Variants in CFAP77 observed in about 807,000 individuals in gnomAD.
The protein encoded by CFAP77 is cilia and flagella associated protein 77, also known as cilia- and flagella-associated protein 77.
In CFAP77, 25 loss-of-function variants were observed where a neutral mutation model predicts 31.1. The ratio of observed to expected loss-of-function variants is 0.80; its 90% confidence interval spans 0.59 to 1.12. The LOEUF (loss-of-function observed/expected upper bound fraction) is 1.12, where lower values mean the gene tolerates loss of function less well. CFAP77 is among the 50% of genes most tolerant of loss of function. The probability of loss-of-function intolerance (pLI) is 0.00; values close to 1 mark genes in which losing one functional copy is unlikely to be tolerated. For synonymous variants in CFAP77, 151 were observed against 159.9 expected (o/e 0.94, Z 0.42); for missense variants, 377 against 397.3 (o/e 0.95, Z 0.44).
At chr9:132,525,012 T>G (rs568626461) in intron 3 of CFAP77, among the ~76,000 whole-genome samples, 1 of 137,956 alleles carries the variant, frequency 7.2e-6, no homozygotes, top group Admixed American at 7.3e-5. Flanking sequence ...TACCTCTTTA[T>G]GTGATAGTAA....
At chr9:132,450,021 T>G (rs1827205827) in intron 1 of CFAP77, among the ~76,000 whole-genome samples, 1 of 152,146 alleles carries the variant, frequency 6.6e-6, no homozygotes, top group Admixed American at 6.6e-5. Flanking sequence ...CACGCCATGC[T>G]CCTGCCTCAG....
chr9:132,478,861 A>C (rs1378768434), intron 1 of CFAP77, among the ~76,000 whole-genome samples: 2 of 152,220 alleles, frequency 1.3e-5, no homozygotes, highest in Admixed American at 1.3e-4. Flanking sequence ...GCAGCTTGTC[A>C]TTCATTACAG....
rs142963465 is a variant in CFAP77, at chr9:132,467,071, G to A, written c.196-31624G>A. On this transcript the variant is annotated intron_variant, in intron 1 of 5. Transcript: ENST00000393216. ...CATACGCCTGTAATCCCAGCTTTTGGGGAAGCTGAAGCAGGAGAATCGTTT... is the reference window on the plus strand; with the variant it reads ...CATACGCCTGTAATCCCAGCTTTTGAGGAAGCTGAAGCAGGAGAATCGTTT... Among the ~76,000 whole-genome samples the A allele has an allele frequency of 2.6e-3, 395 of 152,264 alleles. 4 individuals carry two copies. Among genetic ancestry groups the A allele is most frequent in the Middle Eastern group, 0.02 (6 of 294 alleles).
Position 132,522,087 on chromosome 9 carries a change from C to T in CFAP77, c.525-15514C>T, listed in dbSNP as rs192858227. 1.9e-4 allele frequency among the ~76,000 whole-genome samples: 29 copies of T among 152,098 alleles called. No individual in the cohort carries two copies. In the East Asian group the frequency reaches 5.6e-3, roughly 29 times the overall value. ...CCAGACTTGCATTTTTTTAAAAAGCCCTGGCTCCTATGAGGAGCAGGGGGC... is the reference window on the plus strand; with the variant it reads ...CCAGACTTGCATTTTTTTAAAAAGCTCTGGCTCCTATGAGGAGCAGGGGGC... On this transcript the variant is annotated intron_variant, in intron 3 of 5. Transcript: ENST00000393216.
At chr9:132,465,891 C>T (rs1851144303) in intron 1 of CFAP77, among the ~76,000 whole-genome samples, 1 of 152,134 alleles carries the variant, frequency 6.6e-6, no homozygotes, top group South Asian at 2.1e-4. Context: ...TTACCGGAGG[C>T]AAGTGGTTCA....
At chr9:132,546,647 G>A (rs1467289398) in intron 5 of CFAP77, among the ~76,000 whole-genome samples, 1 of 152,250 alleles carries the variant, frequency 6.6e-6, no homozygotes, top group Non-Finnish European at 1.5e-5. Context: ...GGTCGAGAGA[G>A]GAGAGGGACC....
chr9:132,464,595 G>A (rs1419228514), intron 1 of CFAP77, among the ~76,000 whole-genome samples: 1 of 152,186 alleles, frequency 6.6e-6, no homozygotes, highest in East Asian at 1.9e-4. Flanking sequence ...AGTGCAATGT[G>A]TAATCAATAT....
At chr9:132,451,338 T>TAAAA (rs34713934) in intron 1 of CFAP77, among the ~76,000 whole-genome samples, 2 of 131,348 alleles carry the variant, frequency 1.5e-5, no homozygotes, top group Non-Finnish European at 3.3e-5. Flanking sequence ...AACTCCATCT[T>TAAAA]AAAAAAAAAA....
chr9:132,426,868 G>A (rs1395352618), intron 1 of CFAP77, among the ~76,000 whole-genome samples: 1 of 152,184 alleles, frequency 6.6e-6, no homozygotes, highest in Non-Finnish European at 1.5e-5. Flanking sequence ...CGAGCAGCCT[G>A]CATTACAGCA....
chr9:132,498,847 C>A lies in CFAP77; in HGVS notation c.295+53C>A. 1 of 1,313,724 alleles carries A rather than the reference C, an allele frequency of 7.6e-7. No individual in the cohort carries two copies. Among genetic ancestry groups the A allele is most frequent in the Non-Finnish European group, 1.1e-6 (1 of 927,018 alleles). The allele number at this position is 1,313,724 out of a possible 1,614,324, so 81.4% of individuals were successfully genotyped here. ...GCAGAGGAGTGGGAGGGAGGCTCACCCCTCTTCACAGACCCCTTGACCTAG... is the reference window on the plus strand; with the variant it reads ...GCAGAGGAGTGGGAGGGAGGCTCACACCTCTTCACAGACCCCTTGACCTAG... On this transcript the variant is annotated intron_variant, in intron 2 of 5. Transcript: ENST00000393216. The surrounding 1 kb of genome is among the most constrained non-coding windows in gnomAD (Gnocchi z 4.2).
intron 3 of CFAP77, among the ~76,000 whole-genome samples, chr9:132,519,381 TA>T: frequency 9.0e-6 from 1 of 110,854 alleles, no homozygotes; most frequent in African/African-American, 3.5e-5. Context: ...GATGGATGGA[TA>T]GGTGGATGGA....
chr9:132,431,852 C>A (rs1383159256), intron 1 of CFAP77, among the ~76,000 whole-genome samples: 2 of 152,126 alleles, frequency 1.3e-5, no homozygotes, highest in Admixed American at 6.6e-5. Flanking sequence ...TTTGCACCAA[C>A]CTAGTACATC....
At chr9:132,522,780 G>A (rs369922111) in intron 3 of CFAP77, among the ~76,000 whole-genome samples, 2 of 152,192 alleles carry the variant, frequency 1.3e-5, no homozygotes, top group Admixed American at 6.5e-5. Flanking sequence ...CTTTGTGGTG[G>A]AAAACAAACG....
chr9:132,505,115 C>T (rs878968103), intron 3 of CFAP77, among the ~76,000 whole-genome samples: 5 of 152,238 alleles, frequency 3.3e-5, no homozygotes, highest in Non-Finnish European at 5.9e-5. Context: ...AATCCACTAA[C>T]GCTCCCTCTA....
chr9:132,526,551 A>G (rs1008461785), intron 3 of CFAP77, among the ~76,000 whole-genome samples: 1 of 129,734 alleles, frequency 7.7e-6, no homozygotes, highest in Non-Finnish European at 1.8e-5. Flanking sequence ...TTAAAAAAAA[A>G]CTAAACACCA....
At chr9:132,520,504 G>C (rs1378741676) in intron 3 of CFAP77, among the ~76,000 whole-genome samples, 1 of 152,174 alleles carries the variant, frequency 6.6e-6, no homozygotes, top group African/African-American at 2.4e-5. Flanking sequence ...AAATTAGCCA[G>C]TTACGGTGGT....
rs1460275084 is a variant in CFAP77, at chr9:132,480,750, G to C, written c.196-17945G>C. Among the ~76,000 whole-genome samples, 2 of 152,154 alleles carry C rather than the reference G, an allele frequency of 1.3e-5. No individual in the cohort carries two copies. Among genetic ancestry groups the C allele is most frequent in the Non-Finnish European group, 2.9e-5 (2 of 68,034 alleles). ...TTTCAGCTAGGAGTTAGCGGGGCCAGGCGCCGGTGAGGAGAGGGATGTGTC... is the reference window on the plus strand; with the variant it reads ...TTTCAGCTAGGAGTTAGCGGGGCCACGCGCCGGTGAGGAGAGGGATGTGTC... On this transcript the variant is annotated intron_variant, in intron 1 of 5. Transcript: ENST00000393216. This position sits in a 1 kb window ranked among gnomAD's most constrained non-coding sequence, Gnocchi z 5.8.
At chr9:132,416,329 ATTTTTTTTTTT>A (rs71503303) in intron 1 of CFAP77, among the ~76,000 whole-genome samples, 23 of 60,306 alleles carry the variant, frequency 3.8e-4, no homozygotes, top group South Asian at 2.7e-3. Flanking sequence ...TTCTTATCTG[ATTTTTTTTTTT>A]TTTTTTTTTT....
At chr9:132,540,508 A>G (rs1173606922) in intron 4 of CFAP77, among the ~76,000 whole-genome samples, 1 of 152,192 alleles carries the variant, frequency 6.6e-6, no homozygotes, top group Non-Finnish European at 1.5e-5. Context: ...CCTTCTACCC[A>G]TTCTAGACTC....
Sources: allele counts gnomAD v4.1 joint callset (sites outside exome capture counted in the v4.1 genomes callset), GRCh38; gene constraint gnomAD v4.1.1; non-coding constraint Gnocchi (gnomAD v3.1); transcripts MANE v1.5; gene names NCBI Gene and HGNC (gene_info 2026-07-23, HGNC 2026-07-21).